The following FERMT2 variants were observed in gnomAD, a reference collection of about 807,000 sequenced individuals.
The protein encoded by FERMT2 is FERM domain containing kindlin 2.
In FERMT2, 15 loss-of-function variants were observed where a neutral mutation model predicts 82.7. The ratio of observed to expected loss-of-function variants is 0.18; its 90% CI spans 0.12 to 0.28. The LOEUF is 0.28. Ranked by LOEUF, FERMT2 falls within the 10% of genes least tolerant of loss-of-function variation. FERMT2 has a pLI of 1.00. For missense variants in FERMT2, 645 were observed against 809.4 expected, an observed-to-expected ratio of 0.80 and a Z score of 2.46; for synonymous variants, 274 against 271.5, an observed-to-expected ratio of 1.01 and a Z score of -0.09.
At chr14:52,888,681 C>T (rs1886749629) in intron 4 of FERMT2, among the ~76,000 whole-genome samples, 1 of 152,122 alleles carries the variant, frequency 6.6e-6, no homozygotes, top group Non-Finnish European at 1.5e-5. Flanking sequence ...TCTATGCATA[C>T]CGGTCTTCAC....
chr14:52,910,956 G>C (rs531772187), intron 3 of FERMT2, among the ~76,000 whole-genome samples: 1 of 152,122 alleles, frequency 6.6e-6, no homozygotes, highest in Admixed American at 6.6e-5. Flanking sequence ...TAATAACTTG[G>C]GTTGAAAATC....
intron 10 of FERMT2, among the ~76,000 whole-genome samples, chr14:52,869,385 C>T (rs140491411): frequency 3.6e-4 from 55 of 152,306 alleles, no homozygotes; most frequent in African/African-American, 1.3e-3. Flanking sequence ...TACTAGGGTA[C>T]AGATTTCAAC....
chr14:52,926,422 AC>A (rs1889278711), intron 2 of FERMT2, among the ~76,000 whole-genome samples: 1 of 30,608 alleles, frequency 3.3e-5, no homozygotes, highest in Admixed American at 3.3e-4. Context: ...ACACACACAC[AC>A]ACACACACAC....
At chr14:52,860,516 G>A in intron 12 of FERMT2, 51 bp from the exon 13 acceptor site, 4 of 1,518,856 alleles carry the variant, frequency 2.6e-6, no homozygotes, top group Non-Finnish European at 3.6e-6. Context: ...TCTCTCATGG[G>A]AGAACTGAGA....
rs917250009 is a variant in FERMT2 at position 52,864,414 on chromosome 14, T to C, written c.1589A>G (p.Tyr530Cys). 6.2e-7 allele frequency: 1 copy of C among 1,612,554 alleles called. No individual in the cohort carries two copies. The highest frequency in any genetic ancestry group is 8.5e-7 in the Non-Finnish European group (1 of 1,178,468). The stretch of plus-strand genomic sequence containing the variant: ...TGAAGTAAGTACCTGCTTGTTCTTA[T>C]ACTTTTTTAGATAGCGGGGAGACAC... ...CLVSPRYLKK[Y>C]KNKQITARIL... The change falls in exon 12 of 15, where the codon TAT (tyrosine) becomes TGT (cysteine). Residue 530 changes from tyrosine to cysteine, a missense_variant. Transcript: ENST00000341590.
intron 4 of FERMT2, among the ~76,000 whole-genome samples, chr14:52,886,985 C>T (rs752202558): frequency 7.9e-5 from 12 of 151,936 alleles, no homozygotes; most frequent in African/African-American, 1.5e-4. Flanking sequence ...TGAGAAAACA[C>T]AATGTGTGTA....
chr14:52,910,919 G>C (rs8016212), intron 3 of FERMT2, among the ~76,000 whole-genome samples: 7,774 of 152,216 alleles, frequency 0.051, 675 homozygotes, highest in African/African-American at 0.18. Flanking sequence ...AGATACAAGA[G>C]AGTTAAATTA....
In FERMT2 at chr14:52,858,190, A is replaced by G. The variant is rs774884173; in HGVS notation, c.*187T>C. 3.8e-6 allele frequency: 2 copies of G among 531,778 alleles called. No individual in the cohort carries two copies. The highest frequency in any genetic ancestry group is 6.1e-5 in the South Asian group (2 of 32,672). 32.9% of individuals were successfully genotyped at this position (531,778 alleles called of 1,614,324 possible). A position where few individuals can be genotyped will look rare whatever the true frequency, so the allele number is the denominator to read the frequency against. Reference sequence around the variant, plus strand: ...AATGTGTGACAAATTCAAGTTTATTATATCATAACATGATAGATTAATAGT... The same window carrying G: ...AATGTGTGACAAATTCAAGTTTATTGTATCATAACATGATAGATTAATAGT... On this transcript the variant is annotated 3_prime_UTR_variant, in exon 15 of 15. Transcript: ENST00000341590.
At chr14:52,874,604 A>G (rs540920328) in intron 8 of FERMT2, among the ~76,000 whole-genome samples, 2 of 152,326 alleles carry the variant, frequency 1.3e-5, no homozygotes, top group African/African-American at 2.4e-5. Context: ...AGTGTTTCAC[A>G]ATTTTCCCGA....
At chr14:52,901,959 A>T (rs552381415) in intron 3 of FERMT2, among the ~76,000 whole-genome samples, 2 of 152,354 alleles carry the variant, frequency 1.3e-5, no homozygotes, top group Admixed American at 6.5e-5. Context: ...CTAACAGGAA[A>T]GACAGAGACC....
rs1228062479 is a variant in FERMT2, at chr14:52,872,742, A to T, written c.1273+57T>A. 5 of 1,562,372 alleles carry T rather than the reference A, an allele frequency of 3.2e-6. No homozygotes were observed. The East Asian group carries it at 1.1e-4, about 35-fold the overall frequency. On this transcript the variant is annotated intron_variant, in intron 10 of 14. Transcript: ENST00000341590. ...GTTTATCCCAGCAAGTGGCTCATTG[A>T]CTATTAGGCCAATGGGGATGCCACC...
Position 52,915,848 on chromosome 14 carries a change from A to G in FERMT2, c.391+3275T>C, listed in dbSNP as rs117220172. 5.0e-4 allele frequency among the ~76,000 whole-genome samples: 76 copies of G among 152,366 alleles called. No individual in the cohort carries two copies. The Middle Eastern group carries it at 0.014, about 27-fold the overall frequency. On this transcript the variant is annotated intron_variant, in intron 3 of 14. Coordinates refer to ENST00000341590, the MANE Select transcript of FERMT2 (RefSeq NM_006832.3). ...CCAGGAGAAATTATCTGCAGCACAT[A>G]TTAGAATTTATAAAGAACTACAAAT...
At chr14:52,909,713 G>A (rs368609420) in intron 3 of FERMT2, among the ~76,000 whole-genome samples, 5 of 151,656 alleles carry the variant, frequency 3.3e-5, no homozygotes, top group Non-Finnish European at 7.4e-5. Flanking sequence ...GCTTGAACCC[G>A]GGAGGTGGAG....
In FERMT2 at chr14:52,875,348, T is replaced by G; in HGVS notation, c.973A>C (p.Asn325His). Reference sequence around the variant, plus strand: ...TCTGATGTCATGATTGACAGCTTATTGATATGATACTGAAACCAGAATTAT... The same window carrying G: ...TCTGATGTCATGATTGACAGCTTATGGATATGATACTGAAACCAGAATTAT... Reference protein sequence around the residue: ...MMFAALQYHINKLSIMTSENH... With the variant: ...MMFAALQYHIHKLSIMTSENH... The change falls in exon 8 of 15, where the codon AAT (asparagine) becomes CAT (histidine). Residue 325 changes from asparagine (N) to histidine (H), a missense_variant. Transcript: ENST00000341590. The G allele has an allele frequency of 1.9e-6, 3 of 1,598,566 alleles. No homozygotes were observed. The highest frequency in any genetic ancestry group is 2.6e-6 in the Non-Finnish European group (3 of 1,169,638).
intron 9 of FERMT2, among the ~76,000 whole-genome samples, chr14:52,873,283 A>C (rs1042263073): frequency 6.6e-6 from 1 of 152,240 alleles, no homozygotes; most frequent in African/African-American, 2.4e-5. Flanking sequence ...TAGATCCTGT[A>C]ATTACCTGCA....
At chr14:52,902,119 A>T (rs1424624291) in intron 3 of FERMT2, among the ~76,000 whole-genome samples, 1 of 152,218 alleles carries the variant, frequency 6.6e-6, no homozygotes, top group Non-Finnish European at 1.5e-5. Context: ...GAGGCCGGGC[A>T]CGGTGGCTTA....
intron 3 of FERMT2, among the ~76,000 whole-genome samples, chr14:52,915,878 G>C (rs1316748231): frequency 6.6e-6 from 1 of 152,118 alleles, no homozygotes; most frequent in Non-Finnish European, 1.5e-5. Context: ...ACAAATCAAT[G>C]GTGAACGATA....
chr14:52,950,260 T>C, intron 2 of FERMT2, 152 bp downstream of exon 2: 1 of 735,756 alleles, frequency 1.4e-6, no homozygotes, highest in Admixed American at 2.4e-5. Context: ...AACAGGTCTA[T>C]CTGCTTAAAT....
chr14:52,901,461 C>A (rs1188879313), intron 3 of FERMT2, among the ~76,000 whole-genome samples: 1 of 152,098 alleles, frequency 6.6e-6, no homozygotes, highest in African/African-American at 2.4e-5. Flanking sequence ...GAATTAAGAT[C>A]ACTTATCAAA....
Sources: gnomAD v4.1 joint callset for allele counts (sites outside exome capture counted in the v4.1 genomes callset) on GRCh38, gnomAD v4.1.1 for gene constraint, MANE v1.5 for transcripts, NCBI Gene and HGNC (gene_info 2026-07-23, HGNC 2026-07-21) for gene names.